Variants in PDE1B observed in about 807,000 individuals in gnomAD.
The protein encoded by PDE1B is dual specificity calcium/calmodulin-dependent 3',5'-cyclic nucleotide phosphodiesterase 1B.
A neutral mutation model predicts 66.7 loss-of-function variants in PDE1B; 13 were observed. That is an observed-to-expected ratio of 0.19 (90% CI 0.13 to 0.31). The LOEUF (loss-of-function observed/expected upper bound fraction) is 0.31. Among genes scored for constraint, PDE1B ranks in the 10% least tolerant of loss-of-function variants. The pLI is 1.00. For synonymous variants in PDE1B, 230 were observed against 253.9 expected (o/e 0.91, Z 0.90); for missense variants, 485 against 682.3 (o/e 0.71, Z 3.22).
intron 2 of PDE1B, among the ~76,000 whole-genome samples, chr12:54,557,479 A>T (rs1957356163): frequency 6.6e-6 from 1 of 152,182 alleles, no homozygotes; most frequent in East Asian, 1.9e-4. Flanking sequence ...ATTGAGGCCC[A>T]AGCATCCTAC....
In PDE1B at chr12:54,549,889, G is replaced by A; in HGVS notation, c.17G>A (p.Arg6His). ...TGGCTGAGCATGGAGCTGTCCCCCC[G>A]CAGTCCTCCGGAGATGCTGGAGGAG... MELSPRSPPEMLEESD... is the reference protein window; with the variant it reads MELSPHSPPEMLEESD... Residue 6 changes from arginine to histidine, a missense_variant, in exon 2 of 16, where the codon CGC (arginine) becomes CAC (histidine). By Grantham distance (29) the Arg-to-His change is conservative. Coordinates refer to ENST00000243052, the MANE Select transcript of PDE1B (RefSeq NM_000924.4). 2 of 1,613,548 alleles carry A rather than the reference G, an allele frequency of 1.2e-6. No individual in the cohort carries two copies. Among genetic ancestry groups the A allele is most frequent in the Non-Finnish European group, 1.7e-6 (2 of 1,179,520 alleles).
At position 54,569,772 on chromosome 12, in the gene PDE1B, G is replaced by A. The variant is rs575684841; in HGVS notation, c.477+160G>A. Among the ~76,000 whole-genome samples, 104 of 151,034 alleles carry A rather than the reference G, an allele frequency of 6.9e-4. 2 individuals carry two copies. In the South Asian group the frequency reaches 0.021, roughly 31 times the overall value. On this transcript the variant is annotated intron_variant, in intron 5 of 15. Transcript: ENST00000243052. The surrounding 1 kb of genome is among the most constrained non-coding windows in gnomAD (Gnocchi z 4.4). ...GGCTGGAGTGCAGTGGCGTGATCTC[G>A]TCTCACTGCAACCTCTGCCTCCCTG...
At position 54,575,224 on chromosome 12, in the gene PDE1B, G is replaced by A. The variant is rs771261689; in HGVS notation, c.1185+6G>A. On this transcript the variant is annotated splice_donor_region_variant and intron_variant, in intron 11 of 15. Transcript: ENST00000243052. This position sits in a 1 kb window ranked among gnomAD's most constrained non-coding sequence, Gnocchi z 4.0. Reference sequence around the variant, plus strand: ...TGGAGGAATTCTTCCGTCAGGTAGCGTGGCATCTTTGCCTTCCCTGTGCCT... The same window carrying A: ...TGGAGGAATTCTTCCGTCAGGTAGCATGGCATCTTTGCCTTCCCTGTGCCT... 28 of 1,612,722 alleles carry A rather than the reference G, an allele frequency of 1.7e-5. No homozygotes were observed. In the East Asian group the frequency reaches 2.0e-4, roughly 12 times the overall value.
At chr12:54,552,866 T>C (rs1317061462) in intron 2 of PDE1B, among the ~76,000 whole-genome samples, 2 of 152,242 alleles carry the variant, frequency 1.3e-5, no homozygotes, top group Non-Finnish European at 1.5e-5. Context: ...TCCACCCTTC[T>C]CTGAGATCAG....
Position 54,575,786 on chromosome 12 carries a change from A to AG in PDE1B, c.1267+159dup. The stretch of plus-strand genomic sequence containing the variant: ...GCATGGGGTCCTGGGTTAGGAGGCC[A>AG]GGGGGCTGCAATGGCAGGAAGGAGC... On this transcript the variant is annotated intron_variant, in intron 12 of 15. Coordinates refer to ENST00000243052, the MANE Select transcript of PDE1B (RefSeq NM_000924.4). This position sits in a 1 kb window ranked among gnomAD's most constrained non-coding sequence, Gnocchi z 4.0. 1.4e-6 allele frequency: 1 copy of AG among 726,480 alleles called. No individual in the cohort carries two copies. The highest frequency in any genetic ancestry group is 1.6e-5 in the South Asian group (1 of 62,332). The allele number at this position is 726,480 out of a possible 1,614,324, so 45.0% of individuals were successfully genotyped here.
chr12:54,569,573 G>T lies in PDE1B; in HGVS notation c.438G>T (p.Val146=). The T allele has an allele frequency of 6.2e-7, 1 of 1,613,748 alleles. No individual in the cohort carries two copies. The highest frequency in any genetic ancestry group is 1.3e-5 in the African/African-American group (1 of 74,984). The change falls in exon 5 of 16, where the codon GTG becomes GTT. Residue 146 remains valine (V), a synonymous_variant. Transcript: ENST00000243052. This position sits in a 1 kb window ranked among gnomAD's most constrained non-coding sequence, Gnocchi z 4.4. The part of the protein sequence containing the change: ...ERMFRRTYTS[V]GPTYSTAVLN... ...TGTTCCGGAGAACATACACCTCTGT[G>T]GGCCCCACTTACTCTACTGCGGTTC...
rs1957648609 is a variant in PDE1B at position 54,573,178 on chromosome 12, A to T, written c.766A>T (p.Ile256Phe). The T allele has an allele frequency of 6.2e-7, 1 of 1,614,056 alleles. No homozygotes were observed. Among genetic ancestry groups the T allele is most frequent in the Non-Finnish European group, 8.5e-7 (1 of 1,179,980 alleles). The part of the protein sequence containing the change: ...HCLSEIELLA[I>F]IFAAAIHDYE... ...CCTGTCGGAGATTGAGCTCCTGGCC[A>T]TCATCTTTGCTGCAGCTATCCATGA... The change falls in exon 8 of 16, where the codon ATC becomes TTC. Residue 256 changes from isoleucine (I) to phenylalanine (F), a missense_variant. Physicochemically the swap from Ile to Phe is conservative, Grantham distance 21. Transcript: ENST00000243052. The surrounding 1 kb of genome is among the most constrained non-coding windows in gnomAD (Gnocchi z 5.2).
intron 15 of PDE1B, 43 bp from the exon 16 acceptor site, chr12:54,577,817 A>C (rs890159793): frequency 1.4e-5 from 5 of 365,690 alleles, no homozygotes; most frequent in South Asian, 9.8e-5. Context: ...GTTGGAGGTG[A>C]AGGCAAAGCT....
chr12:54,551,743 T>C (rs1184087877), intron 2 of PDE1B, among the ~76,000 whole-genome samples: 1 of 152,200 alleles, frequency 6.6e-6, no homozygotes. Context: ...CTTCCTTTAG[T>C]GTGAGAAGTG....
chr12:54,569,763 C>A lies in PDE1B; in HGVS notation c.477+151C>A. ...TGTCACTCAGGCTGGAGTGCAGTGGCGTGATCTCGTCTCACTGCAACCTCT... is the reference window on the plus strand; with the variant it reads ...TGTCACTCAGGCTGGAGTGCAGTGGAGTGATCTCGTCTCACTGCAACCTCT... On this transcript the variant is annotated intron_variant, in intron 5 of 15. Transcript: ENST00000243052. This position sits in a 1 kb window ranked among gnomAD's most constrained non-coding sequence, Gnocchi z 4.4. 2 of 609,540 alleles carry A rather than the reference C, an allele frequency of 3.3e-6. No homozygotes were observed. Among genetic ancestry groups the A allele is most frequent in the Non-Finnish European group, 5.9e-6 (2 of 341,692 alleles). 37.8% of individuals were successfully genotyped at this position (609,540 alleles called of 1,614,324 possible).
rs1216192123 is a variant in PDE1B, at chr12:54,575,721, C to T, written c.1267+89C>T. ...GATTGCTCCAAGTCCTCAATCCCCC[C>T]AAACCATTCTTCCTGTAGAGGAAAG... On this transcript the variant is annotated intron_variant, in intron 12 of 15. Coordinates refer to ENST00000243052, the MANE Select transcript of PDE1B (RefSeq NM_000924.4). This position sits in a 1 kb window ranked among gnomAD's most constrained non-coding sequence, Gnocchi z 4.0. 1.0e-6 allele frequency: 1 copy of T among 975,738 alleles called. No homozygotes were observed. The highest frequency in any genetic ancestry group is 1.3e-5 in the South Asian group (1 of 77,998). The allele number at this position is 975,738 out of a possible 1,614,324, so 60.4% of individuals were successfully genotyped here.
In PDE1B at chr12:54,549,605, C is replaced by T. The variant is rs1957243573; in HGVS notation, c.-181C>T. The T allele has an allele frequency of 2.2e-6, 1 of 448,748 alleles. No homozygotes were observed. Among genetic ancestry groups the T allele is most frequent in the Non-Finnish European group, 4.0e-6 (1 of 252,630 alleles). The allele number at this position is 448,748 out of a possible 1,614,324, so 27.8% of individuals were successfully genotyped here. The stretch of plus-strand genomic sequence containing the variant: ...AGGCGAGGAGGCGGCTCTGGCAGCG[C>T]GCGGCGGCGGCGGCGGTAGCGGCAG... On this transcript the variant is annotated 5_prime_UTR_variant, in exon 1 of 16. Coordinates refer to ENST00000243052, the MANE Select transcript of PDE1B (RefSeq NM_000924.4).
At chr12:54,570,427 C>T (rs576940620) in intron 6 of PDE1B, 70 bp downstream of exon 6, 2 of 882,490 alleles carry the variant, frequency 2.3e-6, no homozygotes, top group East Asian at 2.4e-5. Flanking sequence ...CTAAAAGCCT[C>T]CCAACAAACA....
At chr12:54,577,622 C>A in intron 15 of PDE1B, 1 of 1,421,314 alleles carries the variant, frequency 7.0e-7, no homozygotes, top group South Asian at 1.5e-5. Context: ...TAACCTGCAC[C>A]GCACCTTAGG....
At chr12:54,572,776 G>A in intron 7 of PDE1B, 35 bp downstream of exon 7, 1 of 1,606,132 alleles carries the variant, frequency 6.2e-7, no homozygotes, top group East Asian at 2.2e-5. Context: ...CTGTGATTCA[G>A]GGCCTATGGC....
chr12:54,555,076 AC>A (rs1957327040), intron 2 of PDE1B, among the ~76,000 whole-genome samples: 1 of 152,190 alleles, frequency 6.6e-6, no homozygotes. Flanking sequence ...GATAGGTGGG[AC>A]TAGAGGAGGG....
intron 2 of PDE1B, among the ~76,000 whole-genome samples, chr12:54,564,559 A>G (rs1357629071): frequency 6.6e-6 from 1 of 152,198 alleles, no homozygotes; most frequent in Non-Finnish European, 1.5e-5. Flanking sequence ...GATTAAGCCC[A>G]GCAGGTGGAG....
At position 54,575,223 on chromosome 12, in the gene PDE1B, C is replaced by T. The variant is rs1364258010; in HGVS notation, c.1185+5C>T. Reference sequence around the variant, plus strand: ...ATGGAGGAATTCTTCCGTCAGGTAGCGTGGCATCTTTGCCTTCCCTGTGCC... The same window carrying T: ...ATGGAGGAATTCTTCCGTCAGGTAGTGTGGCATCTTTGCCTTCCCTGTGCC... On this transcript the variant is annotated splice_donor_5th_base_variant and intron_variant, in intron 11 of 15. Transcript: ENST00000243052. This position sits in a 1 kb window ranked among gnomAD's most constrained non-coding sequence, Gnocchi z 4.0. 10 of 1,612,744 alleles carry T rather than the reference C, an allele frequency of 6.2e-6. No homozygotes were observed. Among genetic ancestry groups the T allele is most frequent in the South Asian group, 3.3e-5 (3 of 91,024 alleles).
At position 54,579,208 on chromosome 12, in the gene PDE1B, T is replaced by C. The variant is rs3825195; in HGVS notation, c.*1366T>C. 455,289 of 978,898 alleles carry C rather than the reference T, an allele frequency of 0.47. 108,553 individuals carry two copies. The highest frequency in any genetic ancestry group is 0.62 in the Middle Eastern group (1,178 of 1,910). 60.6% of individuals were successfully genotyped at this position (978,898 alleles called of 1,614,324 possible). On this transcript the variant is annotated 3_prime_UTR_variant, in exon 16 of 16. Transcript: ENST00000243052. ...CCCTTGGTTTCCCAGACCCCTGCTA[T>C]AGCCAGAGAACAATAAAGAAGGGAG...
Sources: gnomAD v4.1 joint callset for allele counts (sites outside exome capture counted in the v4.1 genomes callset) on GRCh38, gnomAD v4.1.1 for gene constraint, Gnocchi (gnomAD v3.1) non-coding constraint, MANE v1.5 for transcripts, NCBI Gene and HGNC (gene_info 2026-07-23, HGNC 2026-07-21) for gene names.